GALNTL6: variants seen among roughly 807,000 people sequenced by gnomAD.
GALNTL6 encodes polypeptide N-acetylgalactosaminyltransferase like 6.
A neutral mutation model predicts 73.7 loss-of-function variants in GALNTL6; 46 were observed. That is an observed-to-expected ratio of 0.62 (90% CI 0.49 to 0.80). GALNTL6 has a LOEUF of 0.80. GALNTL6 is among the 30% of genes least tolerant of loss of function. The pLI is 0.00. For missense variants in GALNTL6, 604 were observed against 755.0 expected (o/e 0.80, Z 2.34); for synonymous variants, 259 against 263.7 (o/e 0.98, Z 0.17).
intron 3 of GALNTL6, among the ~76,000 whole-genome samples, chr4:172,302,016 C>T (rs1243297353): frequency 6.6e-6 from 1 of 152,166 alleles, no homozygotes; most frequent in African/African-American, 2.4e-5. Flanking sequence ...GTGGGCTCCA[C>T]CCAGTTCAAG....
At chr4:172,760,058 G>T (rs953461747) in intron 5 of GALNTL6, among the ~76,000 whole-genome samples, 1 of 150,838 alleles carries the variant, frequency 6.6e-6, no homozygotes, top group South Asian at 2.1e-4. Context: ...GGATGGTCTC[G>T]ATCTCCTGAC....
intron 2 of GALNTL6, among the ~76,000 whole-genome samples, chr4:171,919,912 T>C (rs1041596590): frequency 7.2e-5 from 11 of 152,084 alleles, no homozygotes; most frequent in African/African-American, 1.2e-4. Flanking sequence ...ACTGGGTGTA[T>C]ACTGAAAGGA....
intron 5 of GALNTL6, among the ~76,000 whole-genome samples, chr4:172,606,279 A>T (rs1415235726): frequency 6.6e-6 from 1 of 151,530 alleles, no homozygotes; most frequent in African/African-American, 2.4e-5. Flanking sequence ...ACATGGAGAA[A>T]CCCCGTCTCT....
chr4:172,790,402 T>C (rs558330931), intron 5 of GALNTL6, among the ~76,000 whole-genome samples: 2 of 152,198 alleles, frequency 1.3e-5, no homozygotes, highest in African/African-American at 4.8e-5. Flanking sequence ...TAGAAATTTT[T>C]CTCTCTCTGC....
chr4:172,762,113 T>A (rs1738144347), intron 5 of GALNTL6, among the ~76,000 whole-genome samples: 1 of 152,268 alleles, frequency 6.6e-6, no homozygotes, highest in Non-Finnish European at 1.5e-5. Context: ...ATGTATCTAA[T>A]TTTTAAAAAT....
intron 4 of GALNTL6, among the ~76,000 whole-genome samples, chr4:172,332,293 G>A (rs1034368185): frequency 6.6e-6 from 1 of 151,806 alleles, no homozygotes; most frequent in Non-Finnish European, 1.5e-5. Flanking sequence ...ATATATATAA[G>A]GCATAATTAT....
At chr4:172,881,951 G>A (rs565627747) in intron 7 of GALNTL6, among the ~76,000 whole-genome samples, 1 of 151,694 alleles carries the variant, frequency 6.6e-6, no homozygotes, top group East Asian at 1.9e-4. Flanking sequence ...TGTTCACAGG[G>A]TTGTTGTGAG....
intron 2 of GALNTL6, among the ~76,000 whole-genome samples, chr4:172,145,660 CT>C (rs1733910590): frequency 1.3e-5 from 2 of 152,118 alleles, no homozygotes; most frequent in Admixed American, 6.5e-5. Flanking sequence ...ATTTTTATTA[CT>C]GTCTTTTCTG....
At chr4:172,342,780 A>G (rs72986319) in intron 4 of GALNTL6, among the ~76,000 whole-genome samples, 4,765 of 152,242 alleles carry the variant, frequency 0.031, 241 homozygotes, top group African/African-American at 0.11. Flanking sequence ...CATTTGCCAA[A>G]TGTTTCTGAC....
At chr4:171,840,755 T>G (rs1351466535) in intron 2 of GALNTL6, among the ~76,000 whole-genome samples, 4 of 152,148 alleles carry the variant, frequency 2.6e-5, no homozygotes, top group African/African-American at 4.8e-5. Context: ...AAGCCAAGCA[T>G]CCTTCTCTTG....
chr4:172,276,283 G>A (rs1283176200), intron 3 of GALNTL6, among the ~76,000 whole-genome samples: 4 of 152,124 alleles, frequency 2.6e-5, no homozygotes, highest in Admixed American at 6.6e-5. Context: ...CAGTCATTCT[G>A]TTACCATGAG....
At chr4:172,503,111 G>A (rs757514963) in intron 5 of GALNTL6, among the ~76,000 whole-genome samples, 3 of 152,122 alleles carry the variant, frequency 2.0e-5, no homozygotes, top group Admixed American at 6.6e-5. Flanking sequence ...TCACATTGTC[G>A]TGATGTGGCA....
At chr4:172,800,491 T>C (rs1031887842) in intron 5 of GALNTL6, among the ~76,000 whole-genome samples, 42 of 152,162 alleles carry the variant, frequency 2.8e-4, no homozygotes, top group African/African-American at 9.4e-4. Flanking sequence ...GCAAAATTCT[T>C]AAATATTTTT....
At chr4:172,768,477 G>C (rs1008083158) in intron 5 of GALNTL6, among the ~76,000 whole-genome samples, 1 of 152,170 alleles carries the variant, frequency 6.6e-6, no homozygotes, top group Non-Finnish European at 1.5e-5. Context: ...AAAGTATAGA[G>C]ATTTATTGAA....
intron 4 of GALNTL6, among the ~76,000 whole-genome samples, chr4:172,338,844 C>T (rs201649983): frequency 2.6e-5 from 4 of 152,146 alleles, no homozygotes; most frequent in East Asian, 1.9e-4. Context: ...AATGTGCCTA[C>T]GACTGGCGCT....
intron 8 of GALNTL6, among the ~76,000 whole-genome samples, chr4:172,903,091 A>T (rs552777280): frequency 6.6e-6 from 1 of 152,120 alleles, no homozygotes; most frequent in South Asian, 2.1e-4. Context: ...AATCTACCCA[A>T]CATTTCATTA....
chr4:172,718,883 A>T (rs1037352092), intron 5 of GALNTL6, among the ~76,000 whole-genome samples: 2 of 151,738 alleles, frequency 1.3e-5, no homozygotes, highest in African/African-American at 4.9e-5. Context: ...GAATAAGAGA[A>T]TCTTCTTTAA....
intron 2 of GALNTL6, among the ~76,000 whole-genome samples, chr4:171,825,266 T>C (rs1355212459): frequency 3.3e-5 from 5 of 152,144 alleles, no homozygotes; most frequent in African/African-American, 1.2e-4. Flanking sequence ...CTGGAGACCA[T>C]AGTTGAGTAA....
At chr4:172,117,852 C>T (rs2110991367) in intron 2 of GALNTL6, among the ~76,000 whole-genome samples, 1 of 151,952 alleles carries the variant, frequency 6.6e-6, no homozygotes, top group East Asian at 1.9e-4. Flanking sequence ...AATAGGAAAA[C>T]TAAACTAAAA....
Sources: allele counts gnomAD v4.1 joint callset (sites outside exome capture counted in the v4.1 genomes callset), GRCh38; gene constraint gnomAD v4.1.1; transcripts MANE v1.5; gene names NCBI Gene and HGNC (gene_info 2026-07-23, HGNC 2026-07-21).